TLN2: variants seen among roughly 807,000 people sequenced by gnomAD.
The protein encoded by TLN2 is talin-2.
A neutral mutation model predicts 294.7 loss-of-function variants in TLN2; 118 were observed. The ratio of observed to expected loss-of-function variants is 0.40; its 90% CI spans 0.34 to 0.47. The LOEUF (loss-of-function observed/expected upper bound fraction) is 0.47. TLN2 is among the 20% of genes least tolerant of loss of function. The pLI is 0.84. For synonymous variants in TLN2, 1,431 were observed against 1,304.5 expected (o/e 1.10, Z -2.09); for missense variants, 3,083 against 3,282.2 (o/e 0.94, Z 1.48).
rs756969005 is a variant in TLN2 at position 62,701,184 on chromosome 15, G to A, written c.1666G>A (p.Gly556Arg). ...TTCTCAAGTTGATGCTATCACGGCC[G>A]GAACGGCTTCAGTTGTTAACCTCAC... ...IHSQVDAITAGTASVVNLTAG... is the reference protein window; with the variant it reads ...IHSQVDAITARTASVVNLTAG... Residue 556 changes from glycine to arginine, a missense_variant, in exon 17 of 59, where the codon GGA becomes AGA. Physicochemically the swap from Gly to Arg is moderately radical, Grantham distance 125 (BLOSUM62 -2). Coordinates refer to ENST00000636159, the MANE Select transcript of TLN2 (RefSeq NM_015059.3). 6.2e-7 allele frequency: 1 copy of A among 1,614,032 alleles called. No homozygotes were observed. Among genetic ancestry groups the A allele is most frequent in the Non-Finnish European group, 8.5e-7 (1 of 1,180,002 alleles).
chr15:62,797,240 C>T lies in TLN2; in HGVS notation c.6072C>T (p.Ala2024=). The T allele has an allele frequency of 6.2e-7, 1 of 1,614,134 alleles. No homozygotes were observed. Among genetic ancestry groups the T allele is most frequent in the African/African-American group, 1.3e-5 (1 of 75,062 alleles). Reference sequence around the variant, plus strand: ...TCAGGGAGAACATTCTCAAGACGGCCAAGGCCTTGGTAGAAGACACGAAAC... The same window carrying T: ...TCAGGGAGAACATTCTCAAGACGGCTAAGGCCTTGGTAGAAGACACGAAAC... ...ADHRENILKT[A]KALVEDTKLL... is the part of the protein sequence containing the mutation. The change falls in exon 48 of 59, where the codon GCC becomes GCT. Residue 2024 remains alanine (A), a synonymous_variant. Coordinates refer to ENST00000636159, the MANE Select transcript of TLN2 (RefSeq NM_015059.3).
At chr15:62,719,687 C>T (rs544752565) in intron 24 of TLN2, 80 bp from the exon 25 acceptor site, 25 of 1,180,192 alleles carry the variant, frequency 2.1e-5, no homozygotes, top group East Asian at 1.6e-4. Context: ...ATCCAAAAAG[C>T]GCACTTGGGT....
intron 1 of TLN2, among the ~76,000 whole-genome samples, chr15:62,457,790 G>C (rs1469280133): frequency 6.6e-6 from 1 of 152,196 alleles, no homozygotes; most frequent in African/African-American, 2.4e-5. Flanking sequence ...TTGGGGGCTG[G>C]ATGGAGCATG....
At chr15:62,653,627 T>G (rs2052860011) in intron 7 of TLN2, among the ~76,000 whole-genome samples, 1 of 151,980 alleles carries the variant, frequency 6.6e-6, no homozygotes, top group Non-Finnish European at 1.5e-5. Context: ...CTCAGGAGGC[T>G]CAGGCAGGAG....
chr15:62,759,455 C>G (rs545192119), intron 37 of TLN2, among the ~76,000 whole-genome samples: 280 of 151,386 alleles, frequency 1.8e-3, no homozygotes, highest in African/African-American at 6.6e-3. Flanking sequence ...AACAAACAAA[C>G]CCTGTCTTTA....
At chr15:62,650,308 G>A in intron 5 of TLN2, 127 bp downstream of exon 5, 1 of 869,930 alleles carries the variant, frequency 1.1e-6, no homozygotes, top group Non-Finnish European at 1.8e-6. Flanking sequence ...ATTGTACTTT[G>A]TAAGGGCTGT....
At chr15:62,761,511 G>T (rs1485386522) in intron 37 of TLN2, among the ~76,000 whole-genome samples, 170 bp from the exon 38 acceptor site, 1 of 152,136 alleles carries the variant, frequency 6.6e-6, no homozygotes, top group Non-Finnish European at 1.5e-5. Flanking sequence ...GGGCCCCTCT[G>T]CTTGATGGCA....
At chr15:62,697,912 T>A in intron 15 of TLN2, 44 bp downstream of exon 15, 2 of 1,595,048 alleles carry the variant, frequency 1.3e-6, no homozygotes, top group Non-Finnish European at 1.7e-6. Flanking sequence ...GTCTGCTGCC[T>A]CCCGCATGCA....
Position 62,712,045 on chromosome 15 carries a change from G to A in TLN2, c.2602G>A (p.Asp868Asn). The change falls in exon 22 of 59, where the codon GAC becomes AAC. Residue 868 changes from aspartate to asparagine, a missense_variant. Transcript: ENST00000636159. ...CCTGGCAGCAGCAAAACTCTTAGCT[G>A]ACTCCACTGCTCGCATGGTGGAAGC... is the stretch of plus-strand genomic sequence containing the variant. Reference protein sequence around the residue: ...KLLAAAKLLADSTARMVEAAK... With the variant: ...KLLAAAKLLANSTARMVEAAK... 1 of 1,614,172 alleles carries A rather than the reference G, an allele frequency of 6.2e-7. No homozygotes were observed. The highest frequency in any genetic ancestry group is 8.5e-7 in the Non-Finnish European group (1 of 1,180,016).
chr15:62,838,058 A>G (rs2069991133), intron 57 of TLN2: 2 of 152,224 alleles, frequency 1.3e-5, no homozygotes, highest in Non-Finnish European at 2.9e-5. Context: ...AAGCCAATAC[A>G]GGCAATAGCC....
intron 1 of TLN2, among the ~76,000 whole-genome samples, chr15:62,522,087 G>A (rs771411060): frequency 3.3e-5 from 5 of 152,082 alleles, no homozygotes; most frequent in East Asian, 3.9e-4. Context: ...CTTCTCTGGC[G>A]TCCTCTTGGC....
At chr15:62,839,036 A>AAC (rs2070227248) in intron 58 of TLN2, 55 bp downstream of exon 58, 3 of 1,549,506 alleles carry the variant, frequency 1.9e-6, no homozygotes, top group Non-Finnish European at 2.6e-6. Flanking sequence ...GTTGGGTTAT[A>AAC]ACAGAGACAA....
At chr15:62,778,140 C>T (rs192907566) in intron 43 of TLN2, among the ~76,000 whole-genome samples, 1 of 152,180 alleles carries the variant, frequency 6.6e-6, no homozygotes, top group Admixed American at 6.5e-5. Flanking sequence ...AATAATTATC[C>T]TTAGGCATTA....
At chr15:62,625,711 G>T (rs117533513) in intron 3 of TLN2, among the ~76,000 whole-genome samples, 4,240 of 152,268 alleles carry the variant, frequency 0.028, 86 homozygotes, top group East Asian at 0.063. Context: ...ATTTTAAATG[G>T]AACCACCTGT....
At chr15:62,709,232 CAG>C in intron 21 of TLN2, among the ~76,000 whole-genome samples, 1 of 152,288 alleles carries the variant, frequency 6.6e-6, no homozygotes, top group South Asian at 2.1e-4. Context: ...AGGGAGAAGA[CAG>C]AGGCAAGGGG....
At chr15:62,670,886 T>C (rs568045215) in intron 9 of TLN2, among the ~76,000 whole-genome samples, 1 of 152,338 alleles carries the variant, frequency 6.6e-6, no homozygotes, top group South Asian at 2.1e-4. Flanking sequence ...GCTGTACCAT[T>C]GTACATTCCC....
intron 24 of TLN2, among the ~76,000 whole-genome samples, chr15:62,718,547 T>C (rs1459615833): frequency 1.3e-5 from 2 of 152,192 alleles, no homozygotes; most frequent in African/African-American, 4.8e-5. Context: ...TATTCCTGAA[T>C]CTGGATTCTC....
Position 62,776,749 on chromosome 15 carries a change from C to T in TLN2, c.5368-15C>T, listed in dbSNP as rs1230026351. ...CTCTTCTGCTTAAGGAAATGTTTCACAATTCCCTTCTCAGGCACAACACAC... is the reference window on the plus strand; with the variant it reads ...CTCTTCTGCTTAAGGAAATGTTTCATAATTCCCTTCTCAGGCACAACACAC... On this transcript the variant is annotated splice_polypyrimidine_tract_variant and intron_variant, in intron 42 of 58. Coordinates refer to ENST00000636159, the MANE Select transcript of TLN2 (RefSeq NM_015059.3). The T allele has an allele frequency of 6.7e-7, 1 of 1,494,142 alleles. No individual in the cohort carries two copies. 92.6% of individuals were successfully genotyped at this position (1,494,142 alleles called of 1,614,324 possible).
intron 3 of TLN2, among the ~76,000 whole-genome samples, chr15:62,624,458 T>C (rs1413822544): frequency 1.3e-5 from 2 of 152,184 alleles, no homozygotes; most frequent in African/African-American, 2.4e-5. Context: ...GAAGGTCTCA[T>C]AGGTGATAGG....
Sources: gnomAD v4.1 joint callset for allele counts (sites outside exome capture counted in the v4.1 genomes callset) on GRCh38, gnomAD v4.1.1 for gene constraint, MANE v1.5 for transcripts, NCBI Gene and HGNC (gene_info 2026-07-23, HGNC 2026-07-21) for gene names.